Variants in STS observed in about 807,000 individuals in gnomAD.
The protein encoded by STS is steroid sulfatase.
In STS, 7 loss-of-function variants were observed where a neutral mutation model predicts 26.8. The ratio of observed to expected loss-of-function variants is 0.26; its 90% confidence interval spans 0.15 to 0.49. The LOEUF is 0.49. Ranked by LOEUF, STS falls within the 20% of genes least tolerant of loss-of-function variation. The pLI is 0.98. For missense variants in STS, 434 were observed against 465.6 expected (o/e 0.93, Z 0.63); for synonymous variants, 199 against 189.4 (o/e 1.05, Z -0.42).
At chrX:7,149,719 A>G (rs1932972223) in intron 1 of STS, among the ~76,000 whole-genome samples, 1 of 111,984 alleles carries the variant, frequency 8.9e-6, no homozygotes, top group Non-Finnish European at 1.9e-5. Flanking sequence ...AGATGTCAGC[A>G]GTCTTAATTC....
intron 9 of STS, 152 bp downstream of exon 9, chrX:7,325,650 G>A: frequency 1.6e-6 from 1 of 616,201 alleles, no homozygotes; most frequent in South Asian, 2.5e-5. Context: ...CAATTAATAG[G>A]ATAAAAGGCA....
At chrX:7,337,470 G>A (rs1316205853) in intron 10 of STS, among the ~76,000 whole-genome samples, 1 of 112,362 alleles carries the variant, frequency 8.9e-6, no homozygotes, top group Non-Finnish European at 1.9e-5. Context: ...ATAGTTGAGT[G>A]TGACTGCATA....
In STS at chrX:7,147,936, G is replaced by C; in HGVS notation, c.-281G>C. ...GGGCAGAGCGCGCGGGAGCCCGAGC[G>C]TCCCTGCATGAACACCGCCCCGCCG... On this transcript the variant is annotated 5_prime_UTR_variant, in exon 1 of 11. Transcript: ENST00000674429. The C allele has an allele frequency of 1.8e-6, 1 of 550,152 alleles. No homozygotes were observed. Among genetic ancestry groups the C allele is most frequent in the Non-Finnish European group, 2.9e-6 (1 of 348,798 alleles). 45.3% of individuals were successfully genotyped at this position (550,152 alleles called of 1,213,427 possible).
chrX:7,194,191 T>C (rs1308569225), intron 2 of STS, among the ~76,000 whole-genome samples: 2 of 111,432 alleles, frequency 1.8e-5, no homozygotes, highest in East Asian at 5.6e-4. Context: ...GGCTAGAGAA[T>C]GGGAAAGGCT....
At chrX:7,156,774 T>A (rs1390081814) in intron 1 of STS, among the ~76,000 whole-genome samples, 6 of 112,209 alleles carry the variant, frequency 5.3e-5, no homozygotes, top group African/African-American at 1.9e-4. Flanking sequence ...ACCACAAATA[T>A]GCAAAAATAC....
chrX:7,262,075 A>G (rs113297676), intron 6 of STS, among the ~76,000 whole-genome samples: 4,750 of 112,081 alleles, frequency 0.042, 229 homozygotes, highest in African/African-American at 0.14. Flanking sequence ...TAGCTGCCCA[A>G]CGGCTGAGGG....
chrX:7,209,415 AT>A (rs1455889520), intron 2 of STS, among the ~76,000 whole-genome samples: 12 of 106,181 alleles, frequency 1.1e-4, no homozygotes, highest in Middle Eastern at 4.9e-3. Context: ...AGAAATATAT[AT>A]TTTTATACTT....
chrX:7,238,408 A>G (rs940638286), intron 2 of STS, among the ~76,000 whole-genome samples: 31 of 110,728 alleles, frequency 2.8e-4, no homozygotes, highest in African/African-American at 7.6e-4. Flanking sequence ...ACTGGGTGAC[A>G]TGTCCAAATG....
chrX:7,242,497 G>A (rs1922671412), intron 2 of STS, among the ~76,000 whole-genome samples: 1 of 109,008 alleles, frequency 9.2e-6, no homozygotes, highest in African/African-American at 3.3e-5. Context: ...CTACTTGGGA[G>A]GCTGAGGTGG....
intron 2 of STS, among the ~76,000 whole-genome samples, chrX:7,191,943 CAT>C (rs776753763): frequency 8.9e-6 from 1 of 112,198 alleles, no homozygotes; most frequent in African/African-American, 3.2e-5. Flanking sequence ...ATGAGGGAAA[CAT>C]AGTTTTAAAA....
chrX:7,316,075 T>C, intron 8 of STS, among the ~76,000 whole-genome samples: 1 of 111,782 alleles, frequency 8.9e-6, no homozygotes. Context: ...GGGACTCAGC[T>C]CAACCAAGGT....
intron 2 of STS, among the ~76,000 whole-genome samples, chrX:7,197,007 T>C (rs908923912): frequency 9.0e-6 from 1 of 110,940 alleles, no homozygotes. Context: ...CCTTTCTTCC[T>C]ACTCTCAGGT....
At chrX:7,213,266 C>G (rs1324921752) in intron 2 of STS, among the ~76,000 whole-genome samples, 1 of 112,009 alleles carries the variant, frequency 8.9e-6, no homozygotes, top group East Asian at 2.8e-4. Flanking sequence ...TCTCTCAAGG[C>G]AGTGGCTTAG....
intron 5 of STS, 144 bp downstream of exon 5, chrX:7,257,732 A>G (rs1421312008): frequency 1.2e-6 from 1 of 805,879 alleles, no homozygotes; most frequent in Non-Finnish European, 1.8e-6. Context: ...ATAACTTTAA[A>G]TGGAAACAAA....
At chrX:7,295,376 A>G (rs1925613770) in intron 7 of STS, among the ~76,000 whole-genome samples, 1 of 111,120 alleles carries the variant, frequency 9.0e-6, no homozygotes. Flanking sequence ...AGTAGTGAGC[A>G]TAGTGCCTGG....
chrX:7,235,045 C>T (rs1406138056), intron 2 of STS, among the ~76,000 whole-genome samples: 2 of 111,495 alleles, frequency 1.8e-5, no homozygotes, highest in Non-Finnish European at 3.8e-5. Context: ...TGTTTAGGAC[C>T]GCTATGGGAC....
In STS at chrX:7,159,513, TTGTC is replaced by T. The variant is rs772399949; in HGVS notation, c.-134+11435_-134+11438del. 8.0e-5 allele frequency among the ~76,000 whole-genome samples: 9 copies of T among 112,388 alleles called. No homozygotes were observed. In the East Asian group the frequency reaches 1.1e-3, roughly 14 times the overall value. ...TCATCGAAAAAATAATCATCACTGT[TTGTC>T]TGTCCCACCCCACCATTATATAGCC... is the stretch of plus-strand genomic sequence containing the variant. On this transcript the variant is annotated intron_variant, in intron 1 of 10. Transcript: ENST00000674429.
chrX:7,279,412 T>G (rs1924743610), intron 7 of STS, among the ~76,000 whole-genome samples: 1 of 46,249 alleles, frequency 2.2e-5, no homozygotes, highest in African/African-American at 1.2e-4. Context: ...TGTGTGTGTG[T>G]CTGTGTGTGT....
At chrX:7,193,233 G>A (rs758548891) in intron 2 of STS, among the ~76,000 whole-genome samples, 19 of 112,072 alleles carry the variant, frequency 1.7e-4, no homozygotes, top group Non-Finnish European at 3.4e-4. Flanking sequence ...TAAAAGGATT[G>A]TGTGTTCCTT....
Sources: allele counts gnomAD v4.1 joint callset (sites outside exome capture counted in the v4.1 genomes callset), GRCh38; gene constraint gnomAD v4.1.1; transcripts MANE v1.5; gene names NCBI Gene and HGNC (gene_info 2026-07-23, HGNC 2026-07-21).